LELP1: variants seen among roughly 807,000 people sequenced by gnomAD.
The protein encoded by LELP1 is late cornified envelope like proline rich 1.
In LELP1, 1 loss-of-function variant was observed where a neutral mutation model predicts 0.3. That is an observed-to-expected ratio of 2.87 (90% CI 1.02 to 13.63). The LOEUF (loss-of-function observed/expected upper bound fraction) is 13.63, where lower values mean the gene tolerates loss of function less well. Ranked by LOEUF, LELP1 falls within the 30% of genes most tolerant of loss-of-function variation. The pLI, the probability that LELP1 is intolerant of heterozygous loss-of-function variation, is 0.12. For missense variants in LELP1, 122 were observed against 118.7 expected (o/e 1.03, Z -0.13); for synonymous variants, 57 against 45.9 (o/e 1.24, Z -0.97).
chr1:153,204,030 C>T (rs947302451), intron 1 of LELP1, among the ~76,000 whole-genome samples: 3 of 152,178 alleles, frequency 2.0e-5, no homozygotes, highest in African/African-American at 7.2e-5. Flanking sequence ...TTCCCTTACC[C>T]TATTATTTAT....
At chr1:153,204,503 T>C (rs546230738) in intron 1 of LELP1, among the ~76,000 whole-genome samples, 184 bp from the exon 2 acceptor site, 4 of 151,872 alleles carry the variant, frequency 2.6e-5, no homozygotes, top group Middle Eastern at 3.4e-3. Flanking sequence ...GGAAGCAGAG[T>C]TAAGGGTGGA....
chr1:153,204,022 C>T (rs1657703308), intron 1 of LELP1, among the ~76,000 whole-genome samples: 1 of 152,184 alleles, frequency 6.6e-6, no homozygotes, highest in Admixed American at 6.5e-5. Flanking sequence ...CTGATTTCTT[C>T]CCTTACCCTA....
chr1:153,203,665 G>A (rs1571055269), intron 1 of LELP1, 134 bp downstream of exon 1: 1 of 152,110 alleles, frequency 6.6e-6, no homozygotes, highest in South Asian at 2.1e-4. Context: ...TATTTTCAGT[G>A]GTAAGAACTG....
chr1:153,204,818 G>T lies in LELP1; in HGVS notation c.111G>T (p.Lys37Asn), dbSNP rs774765226. Residue 37 changes from lysine (K) to asparagine (N), a missense_variant, in exon 2 of 2, where the codon AAG becomes AAT. By Grantham distance (94) the Lys-to-Asn change is moderately conservative. Transcript: ENST00000368747. ...CESKCQPSCL[K>N]KLLQRCFEKC... ...CCAAATGCCAGCCCAGCTGTTTAAA[G>T]AAGCTGCTGCAACGCTGTTTCGAAA... 2 of 1,614,208 alleles carry T rather than the reference G, an allele frequency of 1.2e-6. No homozygotes were observed. The highest frequency in any genetic ancestry group is 1.7e-6 in the Non-Finnish European group (2 of 1,180,034).
intron 1 of LELP1, among the ~76,000 whole-genome samples, chr1:153,204,138 T>C (rs1657704636): frequency 1.3e-5 from 2 of 152,174 alleles, no homozygotes; most frequent in Admixed American, 1.3e-4. Flanking sequence ...CCATGGCCTC[T>C]AGTAAAGAAA....
chr1:153,204,901 C>T lies in LELP1; in HGVS notation c.194C>T (p.Ser65Phe). 1 of 1,613,950 alleles carries T rather than the reference C, an allele frequency of 6.2e-7. No homozygotes were observed. Among genetic ancestry groups the T allele is most frequent in the Non-Finnish European group, 8.5e-7 (1 of 1,179,880 alleles). ...AAGTGCCTGCCCTGCCCCTCGCAGT[C>T]TCCTTCATCCTGCCCTCCCCAGCCC... Reference protein sequence around the residue: ...PPKCLPCPSQSPSSCPPQPCT... With the variant: ...PPKCLPCPSQFPSSCPPQPCT... Residue 65 changes from serine to phenylalanine, a missense_variant, in exon 2 of 2, where the codon TCT becomes TTT. Ser to Phe is a radical substitution (Grantham distance 155). Transcript: ENST00000368747.
Sources: gnomAD v4.1 joint callset for allele counts (sites outside exome capture counted in the v4.1 genomes callset) on GRCh38, gnomAD v4.1.1 for gene constraint, MANE v1.5 for transcripts, NCBI Gene and HGNC (gene_info 2026-07-23, HGNC 2026-07-21) for gene names.